Variants in LRP1B observed in about 807,000 individuals in gnomAD.
LRP1B encodes the protein LDL receptor related protein 1B.
Under a neutral mutation model 556.6 loss-of-function variants are expected in LRP1B, and 217 were observed. The observed-to-expected ratio is 0.39, with a 90% CI of 0.35 to 0.44. LRP1B has a LOEUF of 0.44. LRP1B is among the 20% of genes least tolerant of loss of function. LRP1B has a pLI of 1.00. For missense variants in LRP1B, 5,053 were observed against 5,620.8 expected (o/e 0.90, Z 3.23); for synonymous variants, 2,047 against 1,865.8 (o/e 1.10, Z -2.50).
intron 7 of LRP1B, among the ~76,000 whole-genome samples, chr2:141,179,249 T>C (rs1444180332): frequency 1.3e-5 from 2 of 152,044 alleles, no homozygotes; most frequent in East Asian, 3.9e-4. Context: ...ATTGAATTTA[T>C]GAGACTAATT....
At chr2:140,750,527 G>A (rs6751511) in intron 35 of LRP1B, among the ~76,000 whole-genome samples, 2,955 of 152,160 alleles carry the variant, frequency 0.019, 88 homozygotes, top group African/African-American at 0.067. Flanking sequence ...AGATCACTTT[G>A]AGTAAGTAGA....
chr2:140,608,941 A>G (rs1682969137), intron 41 of LRP1B, among the ~76,000 whole-genome samples: 1 of 152,220 alleles, frequency 6.6e-6, no homozygotes. Flanking sequence ...AAAATTATAT[A>G]GACTCAGACA....
chr2:141,605,212 C>T (rs1559171544), intron 2 of LRP1B, among the ~76,000 whole-genome samples: 1 of 151,892 alleles, frequency 6.6e-6, no homozygotes, highest in Non-Finnish European at 1.5e-5. Flanking sequence ...TTGTATGACA[C>T]TTGAGATAAC....
chr2:140,713,696 C>A (rs958321857), intron 37 of LRP1B, among the ~76,000 whole-genome samples: 5 of 152,056 alleles, frequency 3.3e-5, no homozygotes, highest in African/African-American at 1.2e-4. Flanking sequence ...GTCTTCCAGA[C>A]ACATCACCTA....
chr2:141,301,945 C>T (rs1017580291), intron 3 of LRP1B, among the ~76,000 whole-genome samples: 1 of 152,062 alleles, frequency 6.6e-6, no homozygotes, highest in African/African-American at 2.4e-5. Context: ...TGACATTAGT[C>T]CCTTAGCTTG....
chr2:140,271,405 C>T (rs754475744), intron 85 of LRP1B, among the ~76,000 whole-genome samples: 7 of 151,874 alleles, frequency 4.6e-5, no homozygotes, highest in South Asian at 2.1e-4. Flanking sequence ...TGATCCTCCC[C>T]ATGATGGATA....
At chr2:141,957,019 G>T (rs1184244686) in intron 1 of LRP1B, among the ~76,000 whole-genome samples, 1 of 152,028 alleles carries the variant, frequency 6.6e-6, no homozygotes, top group Non-Finnish European at 1.5e-5. Flanking sequence ...ATCACTCAAA[G>T]AAACTTTTGA....
At chr2:141,184,790 C>T (rs535425618) in intron 7 of LRP1B, among the ~76,000 whole-genome samples, 1 of 151,806 alleles carries the variant, frequency 6.6e-6, no homozygotes, top group Non-Finnish European at 1.5e-5. Flanking sequence ...CCGAGCCATA[C>T]TCAGAGGTAC....
At chr2:141,811,547 A>T (rs1279476023) in intron 1 of LRP1B, among the ~76,000 whole-genome samples, 1 of 152,110 alleles carries the variant, frequency 6.6e-6, no homozygotes, top group African/African-American at 2.4e-5. Flanking sequence ...TACCAGCAGC[A>T]TAAATTTCAG....
chr2:141,765,130 AAGT>A (rs1694692741), intron 2 of LRP1B, among the ~76,000 whole-genome samples: 1 of 148,630 alleles, frequency 6.7e-6, no homozygotes, highest in Non-Finnish European at 1.5e-5. Flanking sequence ...AAGAATTCGC[AAGT>A]AGGTTTTTCT....
At chr2:141,544,710 G>A (rs867294091) in intron 2 of LRP1B, among the ~76,000 whole-genome samples, 4 of 151,852 alleles carry the variant, frequency 2.6e-5, no homozygotes. Flanking sequence ...TTGTCACTGA[G>A]GCTGGAGTGC....
intron 81 of LRP1B, among the ~76,000 whole-genome samples, chr2:140,323,333 T>G (rs1680260944): frequency 1.3e-5 from 2 of 152,142 alleles, no homozygotes; most frequent in African/African-American, 2.4e-5. Context: ...ATAAGTCATA[T>G]ACAATAAATC....
chr2:140,403,955 G>A (rs1384197630), intron 66 of LRP1B, among the ~76,000 whole-genome samples: 1 of 152,092 alleles, frequency 6.6e-6, no homozygotes, highest in African/African-American at 2.4e-5. Flanking sequence ...GAAGAGATTT[G>A]GGACCTATCT....
chr2:141,332,319 C>A (rs1253399385), intron 3 of LRP1B, among the ~76,000 whole-genome samples: 3 of 151,994 alleles, frequency 2.0e-5, no homozygotes, highest in African/African-American at 7.2e-5. Context: ...AATTTGAATG[C>A]AGTCTCATCT....
rs73962113 is a variant in LRP1B, at chr2:141,046,227, C to T, written c.1789+2759G>A. 2.9e-3 allele frequency among the ~76,000 whole-genome samples: 438 copies of T among 152,214 alleles called. 4 individuals are homozygous for T. The highest frequency in any genetic ancestry group is 0.01 in the African/African-American group (419 of 41,562). On this transcript the variant is annotated intron_variant, in intron 11 of 90. Coordinates refer to ENST00000389484, the MANE Select transcript of LRP1B (RefSeq NM_018557.3). Reference sequence around the variant, plus strand: ...CTTTATACCCTTGTACTTCAAACTACGTAAATTTATCAATGTCTCAGAATT... The same window carrying T: ...CTTTATACCCTTGTACTTCAAACTATGTAAATTTATCAATGTCTCAGAATT...
intron 43 of LRP1B, among the ~76,000 whole-genome samples, chr2:140,545,103 AG>A (rs1431136333): frequency 6.7e-6 from 1 of 149,678 alleles, no homozygotes; most frequent in Non-Finnish European, 1.5e-5. Context: ...TCTTTAGAAA[AG>A]TGTCTGTTTA....
chr2:140,566,756 T>C (rs1681141310), intron 43 of LRP1B, among the ~76,000 whole-genome samples: 1 of 152,144 alleles, frequency 6.6e-6, no homozygotes, highest in African/African-American at 2.4e-5. Context: ...GTGCCTGAGC[T>C]GAAGCAGTAT....
intron 1 of LRP1B, among the ~76,000 whole-genome samples, chr2:142,022,258 G>T (rs981157304): frequency 6.6e-6 from 1 of 151,556 alleles, no homozygotes; most frequent in Non-Finnish European, 1.5e-5. Context: ...ACTTTAAAAT[G>T]AGCTCTTAAA....
At chr2:140,234,932 C>T (rs1221347684) in intron 89 of LRP1B, 48 bp from the exon 90 acceptor site, 2 of 740,448 alleles carry the variant, frequency 2.7e-6, no homozygotes, top group Admixed American at 3.9e-5. Context: ...ATTATAGAAT[C>T]ACTTTTCATC....
Sources: allele counts gnomAD v4.1 joint callset (sites outside exome capture counted in the v4.1 genomes callset), GRCh38; gene constraint gnomAD v4.1.1; transcripts MANE v1.5; gene names NCBI Gene and HGNC (gene_info 2026-07-23, HGNC 2026-07-21).